LAMC1: variants seen among roughly 807,000 people sequenced by gnomAD.
The protein encoded by LAMC1 is laminin subunit gamma-1.
In LAMC1, 38 loss-of-function variants were observed where a neutral mutation model predicts 173.6. The observed-to-expected ratio is 0.22, with a 90% CI of 0.17 to 0.29. The LOEUF (loss-of-function observed/expected upper bound fraction) is 0.29, where lower values mean the gene tolerates loss of function less well. Among genes scored for constraint, LAMC1 ranks in the 10% least tolerant of loss-of-function variants. The pLI is 1.00. For missense variants in LAMC1, 1,824 were observed against 2,051.8 expected (o/e 0.89, Z 2.14); for synonymous variants, 746 against 749.1 (o/e 1.00, Z 0.07).
intron 1 of LAMC1, among the ~76,000 whole-genome samples, chr1:183,094,581 T>C (rs114809912): frequency 0.024 from 3,640 of 152,304 alleles, 145 homozygotes; most frequent in African/African-American, 0.083. Flanking sequence ...ATGGAAGAAT[T>C]TGGACTTGAG....
chr1:183,107,055 A>G lies in LAMC1; in HGVS notation c.724-1221A>G, dbSNP rs547753324. Among the ~76,000 whole-genome samples the G allele has an allele frequency of 2.0e-5, 3 of 152,318 alleles. No individual in the cohort carries two copies. In the East Asian group the frequency reaches 5.8e-4, roughly 29 times the overall value. On this transcript the variant is annotated intron_variant, in intron 2 of 27. Transcript: ENST00000258341. ...GTAAACATCTGCCTAAAATTAGCTC[A>G]GTGTAAGGGCTTAGATCTCATAAAA...
chr1:183,074,592 C>G (rs1655083313), intron 1 of LAMC1, among the ~76,000 whole-genome samples: 1 of 152,162 alleles, frequency 6.6e-6, no homozygotes, highest in Non-Finnish European at 1.5e-5. Context: ...AATATTGAGC[C>G]TGAGTTGCAG....
chr1:183,125,038 AAAG>A lies in LAMC1; in HGVS notation c.2647+166_2647+168del, dbSNP rs775885114. 228 of 846,350 alleles carry A rather than the reference AAAG, an allele frequency of 2.7e-4. 1 individual carries two copies. The highest frequency in any genetic ancestry group is 3.8e-4 in the Non-Finnish European group (216 of 561,962). The allele number at this position is 846,350 out of a possible 1,614,324, so 52.4% of individuals were successfully genotyped here. On this transcript the variant is annotated intron_variant, in intron 14 of 27. Coordinates refer to ENST00000258341, the MANE Select transcript of LAMC1 (RefSeq NM_002293.4). ...TCTAGTCACCACATTAAAAAAGTAT[AAAG>A]AAGGACAGTCATGGTGGCTGACACC...
In LAMC1 at chr1:183,142,657, A is replaced by G. The variant is rs775887480; in HGVS notation, c.4697A>G (p.Lys1566Arg). The G allele has an allele frequency of 6.2e-7, 1 of 1,614,144 alleles. No individual in the cohort carries two copies. The highest frequency in any genetic ancestry group is 1.7e-5 in the Admixed American group (1 of 60,012). ...GTGTCTGACCTGGAGAATGAAGCCA[A>G]GAAGCAGGAGGCTGCCATCATGGAC... is the stretch of plus-strand genomic sequence containing the variant. The part of the protein sequence containing the change: ...RKVSDLENEA[K>R]KQEAAIMDYN... Residue 1566 changes from lysine (K) to arginine (R), a missense_variant, in exon 28 of 28, where the codon AAG (lysine) becomes AGG (arginine). Coordinates refer to ENST00000258341, the MANE Select transcript of LAMC1 (RefSeq NM_002293.4).
intron 1 of LAMC1, among the ~76,000 whole-genome samples, chr1:183,066,087 A>C (rs181995514): frequency 5.9e-5 from 9 of 152,344 alleles, no homozygotes; most frequent in Non-Finnish European, 7.3e-5. Flanking sequence ...TTATATTACA[A>C]AGTTTTTTAT....
At chr1:183,066,136 T>C (rs1654868015) in intron 1 of LAMC1, among the ~76,000 whole-genome samples, 1 of 152,234 alleles carries the variant, frequency 6.6e-6, no homozygotes, top group Non-Finnish European at 1.5e-5. Context: ...TTTTACCAAG[T>C]GTACTGTACT....
At chr1:183,131,055 T>A (rs11801705) in intron 19 of LAMC1, among the ~76,000 whole-genome samples, 1,709 of 151,326 alleles carry the variant, frequency 0.011, 28 homozygotes, top group African/African-American at 0.04. Flanking sequence ...ATGCCTGTAA[T>A]CCCGGCTACT....
At chr1:183,136,972 C>G (rs1484156434) in intron 25 of LAMC1, among the ~76,000 whole-genome samples, 3 of 152,146 alleles carry the variant, frequency 2.0e-5, no homozygotes, top group Admixed American at 2.0e-4. Context: ...GTCCCCCTTT[C>G]AAGTATATTG....
chr1:183,060,412 A>G (rs1654714233), intron 1 of LAMC1, among the ~76,000 whole-genome samples: 1 of 151,574 alleles, frequency 6.6e-6, no homozygotes, highest in Non-Finnish European at 1.5e-5. Flanking sequence ...AAAAAAAGCA[A>G]TTACCCCTTT....
chr1:183,116,264 G>A (rs977231583), intron 6 of LAMC1, among the ~76,000 whole-genome samples: 7 of 152,128 alleles, frequency 4.6e-5, no homozygotes, highest in African/African-American at 1.7e-4. Context: ...GGATCACAAG[G>A]TCAAGAGATC....
intron 1 of LAMC1, among the ~76,000 whole-genome samples, chr1:183,052,571 G>A (rs1281767166): frequency 1.3e-5 from 2 of 152,102 alleles, no homozygotes; most frequent in Admixed American, 6.5e-5. Flanking sequence ...CTGACCTCAG[G>A]TAATCCGCCT....
At chr1:183,133,319 A>C in intron 21 of LAMC1, 87 bp from the exon 22 acceptor site, 1 of 1,178,888 alleles carries the variant, frequency 8.5e-7, no homozygotes, top group South Asian at 1.7e-5. Flanking sequence ...TTTTGGGCGT[A>C]TTATCACATG....
chr1:183,062,526 C>T (rs1654767650), intron 1 of LAMC1, among the ~76,000 whole-genome samples: 2 of 152,172 alleles, frequency 1.3e-5, no homozygotes, highest in Non-Finnish European at 1.5e-5. Context: ...GTGGGGCGTG[C>T]CTGTAGTCTC....
At chr1:183,085,020 C>A (rs1358807257) in intron 1 of LAMC1, among the ~76,000 whole-genome samples, 1 of 152,046 alleles carries the variant, frequency 6.6e-6, no homozygotes, top group African/African-American at 2.4e-5. Context: ...AGTTCGAGAC[C>A]AGCCTGGCCA....
chr1:183,100,144 T>A (rs779048380), intron 1 of LAMC1, among the ~76,000 whole-genome samples: 1 of 152,188 alleles, frequency 6.6e-6, no homozygotes, highest in Admixed American at 6.5e-5. Flanking sequence ...TAAGTTACTA[T>A]TGAAAACGGC....
intron 23 of LAMC1, 59 bp from the exon 24 acceptor site, chr1:183,134,983 C>T: frequency 6.9e-7 from 1 of 1,440,030 alleles, no homozygotes; most frequent in Non-Finnish European, 9.8e-7. Context: ...CTTGTCTGTC[C>T]AGGAGACAGA....
chr1:183,127,826 T>G (rs1024647121), intron 17 of LAMC1, among the ~76,000 whole-genome samples: 18 of 152,130 alleles, frequency 1.2e-4, no homozygotes, highest in African/African-American at 4.3e-4. Flanking sequence ...CGGGAGAGGT[T>G]GGTACGGACA....
chr1:183,121,987 G>A (rs1656488958), intron 12 of LAMC1, 43 bp downstream of exon 12: 3 of 1,608,856 alleles, frequency 1.9e-6, no homozygotes, highest in Non-Finnish European at 2.6e-6. Context: ...CTTCTCTTTA[G>A]CAATTGTGTA....
Position 183,121,843 on chromosome 1 carries a change from G to T in LAMC1, c.2111G>T (p.Cys704Phe). ...TATGGAGGGCAGTTTTGTGAGATGTGCCTCTCAGGTTACAGAAGAGAAACT... is the reference window on the plus strand; with the variant it reads ...TATGGAGGGCAGTTTTGTGAGATGTTCCTCTCAGGTTACAGAAGAGAAACT... ...VGYGGQFCEM[C>F]LSGYRRETPN... Residue 704 changes from cysteine to phenylalanine, a missense_variant, in exon 12 of 28, where the codon TGC becomes TTC. Coordinates refer to ENST00000258341, the MANE Select transcript of LAMC1 (RefSeq NM_002293.4). 6.2e-7 allele frequency: 1 copy of T among 1,614,170 alleles called. No homozygotes were observed.
Sources: gnomAD v4.1 joint callset for allele counts (sites outside exome capture counted in the v4.1 genomes callset) on GRCh38, gnomAD v4.1.1 for gene constraint, MANE v1.5 for transcripts, NCBI Gene and HGNC (gene_info 2026-07-23, HGNC 2026-07-21) for gene names.